Variants in C1QTNF8 observed in about 807,000 individuals in gnomAD.
C1QTNF8 encodes the protein C1q and TNF related 8, also known as complement C1q tumor necrosis factor-related protein 8.
C1QTNF8 carries 27 observed loss-of-function variants against 19.2 expected under a neutral mutation model. The ratio of observed to expected loss-of-function variants is 1.41; its 90% confidence interval spans 1.04 to 1.94. The LOEUF (loss-of-function observed/expected upper bound fraction) is 1.94. C1QTNF8 is among the 30% of genes most tolerant of loss of function. The pLI is 0.00. For missense variants in C1QTNF8, 484 were observed against 374.4 expected (o/e 1.29, Z -2.42); for synonymous variants, 208 against 172.8 (o/e 1.20, Z -1.60).
rs927025704 is a variant in C1QTNF8, at chr16:1,089,328, C to G, written c.*1271G>C. ...CCACCTCTGGTTCTTCAAGCACCTG[C>G]CACACTTGACCCCAACAGGCTCCTC... On this transcript the variant is annotated 3_prime_UTR_variant, in exon 5 of 5. Coordinates refer to ENST00000328449, the MANE Select transcript of C1QTNF8 (RefSeq NM_207419.3). Among the ~76,000 whole-genome samples, 1 of 152,144 alleles carries G rather than the reference C, an allele frequency of 6.6e-6. No homozygotes were observed. Among genetic ancestry groups the G allele is most frequent in the African/African-American group, 2.4e-5 (1 of 41,446 alleles).
Position 1,088,936 on chromosome 16 carries a change from C to G in C1QTNF8, c.*1663G>C, listed in dbSNP as rs1193248779. Reference sequence around the variant, plus strand: ...GGCTTCGGGGCTGCTGTGGTCACGTCTGGGTCCTTGGCTGGGCCTGGTGAC... The same window carrying G: ...GGCTTCGGGGCTGCTGTGGTCACGTGTGGGTCCTTGGCTGGGCCTGGTGAC... On this transcript the variant is annotated 3_prime_UTR_variant, in exon 5 of 5. Coordinates refer to ENST00000328449, the MANE Select transcript of C1QTNF8 (RefSeq NM_207419.3). Among the ~76,000 whole-genome samples, 2 of 152,304 alleles carry G rather than the reference C, an allele frequency of 1.3e-5. No homozygotes were observed. Among genetic ancestry groups the G allele is most frequent in the Admixed American group, 1.3e-4 (2 of 15,304 alleles).
Position 1,093,454 on chromosome 16 carries a change from A to ACGCGCGCGCG in C1QTNF8, c.*4+42_*4+43insCGCGCGCGCG, listed in dbSNP as rs768236099. On this transcript the variant is annotated intron_variant, in intron 4 of 4. Coordinates refer to ENST00000328449, the MANE Select transcript of C1QTNF8 (RefSeq NM_207419.3). Reference sequence around the variant, plus strand: ...CACACACACACACAGACACACACACACACGCGCGCGCGCGCCCGGTGCTCA... The same window carrying ACGCGCGCGCG: ...CACACACACACACAGACACACACACACGCGCGCGCGCACGCGCGCGCGCGCCCGGTGCTCA... The ACGCGCGCGCG allele has an allele frequency of 9.1e-6, 11 of 1,208,152 alleles. No individual in the cohort carries two copies. The South Asian group carries it at 1.1e-4, about 12-fold the overall frequency. 74.8% of individuals were successfully genotyped at this position (1,208,152 alleles called of 1,614,324 possible). A position where few individuals can be genotyped will look rare whatever the true frequency, so the allele number is the denominator to read the frequency against.
chr16:1,094,626 C>T, intron 3 of C1QTNF8, 89 bp downstream of exon 3: 3 of 1,118,746 alleles, frequency 2.7e-6, no homozygotes, highest in Non-Finnish European at 3.8e-6. Context: ...CCCCTCCCGC[C>T]CCTCCTCCCA....
At chr16:1,094,457 T>C in intron 3 of C1QTNF8, 1 of 486,082 alleles carries the variant, frequency 2.1e-6, no homozygotes, top group South Asian at 3.4e-5. Flanking sequence ...GCTGCTACTT[T>C]GGGGATCTCA....
In C1QTNF8 at chr16:1,093,186, G is replaced by GCGCTCAACCAATCACAGCACACAGTCGA. The variant is rs1567392578; in HGVS notation, c.*4+310_*4+311insTCGACTGTGTGCTGTGATTGGTTGAGCG. ...CTCAATCAATCCCTGCACACAGTCG[G>GCGCTCAACCAATCACAGCACACAGTCGA]CGCTCAACCAATCACAGCACACAGT... On this transcript the variant is annotated intron_variant, in intron 4 of 4. Transcript: ENST00000328449. 8.1e-4 allele frequency among the ~76,000 whole-genome samples: 117 copies of GCGCTCAACCAATCACAGCACACAGTCGA among 145,034 alleles called. 2 individuals carry two copies. The highest frequency in any genetic ancestry group is 2.8e-3 in the African/African-American group (106 of 38,530).
At chr16:1,091,235 C>G (rs1226689580) in intron 4 of C1QTNF8, among the ~76,000 whole-genome samples, 1 of 152,152 alleles carries the variant, frequency 6.6e-6, no homozygotes, top group Non-Finnish European at 1.5e-5. Context: ...GCTGGGTGCA[C>G]CTGTGGGGGC....
rs983509615 is a variant in C1QTNF8 at position 1,089,780 on chromosome 16, G to A, written c.*819C>T. ...GGGTAGGGCTGGGGGTGTCCCGGTCGGGGTGGGAGGCCTGGGGTCTGCCAA... is the reference window on the plus strand; with the variant it reads ...GGGTAGGGCTGGGGGTGTCCCGGTCAGGGTGGGAGGCCTGGGGTCTGCCAA... On this transcript the variant is annotated 3_prime_UTR_variant, in exon 5 of 5. Coordinates refer to ENST00000328449, the MANE Select transcript of C1QTNF8 (RefSeq NM_207419.3). Among the ~76,000 whole-genome samples the A allele has an allele frequency of 2.0e-5, 3 of 152,110 alleles. No homozygotes were observed. Among genetic ancestry groups the A allele is most frequent in the Non-Finnish European group, 4.4e-5 (3 of 68,004 alleles).
In C1QTNF8 at chr16:1,093,926, A is replaced by C. The variant is rs1960628317; in HGVS notation, c.334T>G (p.Cys112Gly). Residue 112 changes from cysteine to glycine, a missense_variant, in exon 4 of 5, where the codon TGC (cysteine) becomes GGC (glycine). Coordinates refer to ENST00000328449, the MANE Select transcript of C1QTNF8 (RefSeq NM_207419.3). ...KGQVGPPGAA[C>G]RRAYAAFSVG... Reference sequence around the variant, plus strand: ...GAGAAGGCGGCGTAGGCACGTCGGCACGCGGCGCCCGGCGGCCCCACCTGC... The same window carrying C: ...GAGAAGGCGGCGTAGGCACGTCGGCCCGCGGCGCCCGGCGGCCCCACCTGC... 6.6e-7 allele frequency: 1 copy of C among 1,511,918 alleles called. No individual in the cohort carries two copies. The allele number at this position is 1,511,918 out of a possible 1,614,324, so 93.7% of individuals were successfully genotyped here. A position where few individuals can be genotyped will look rare whatever the true frequency, so the allele number is the denominator to read the frequency against.
chr16:1,093,680 C>G lies in C1QTNF8; in HGVS notation c.580G>C (p.Ala194Pro), dbSNP rs770269306. 5.0e-6 allele frequency: 8 copies of G among 1,610,680 alleles called. No individual in the cohort carries two copies. The African/African-American group carries it at 8.0e-5, about 16-fold the overall frequency. The change falls in exon 4 of 5, where the codon GCG (alanine) becomes CCG (proline). Residue 194 changes from alanine to proline, a missense_variant. By Grantham distance (27) the Ala-to-Pro change is conservative. Coordinates refer to ENST00000328449, the MANE Select transcript of C1QTNF8 (RefSeq NM_207419.3). ...LNRRPAAVLY[A>P]QPSERSVMQA... ...ATGACGCTGCGCTCGCTGGGCTGCG[C>G]GTAGAGCACGGCCGCGGGCCGCCGG...
In C1QTNF8 at chr16:1,093,537, G is replaced by A. The variant is rs1186471087; in HGVS notation, c.723C>T (p.Phe241=). ...CGGCCGGCTTGACCAGGTGGCCGCT[G>A]AAGGTGATGTAGAGGTCTCCGTGCT... ...YGEHGDLYIT[F]SGHLVKPAAE... is the part of the protein sequence containing the mutation. Residue 241 remains phenylalanine (F), a synonymous_variant, in exon 4 of 5, where the codon TTC becomes TTT. Coordinates refer to ENST00000328449, the MANE Select transcript of C1QTNF8 (RefSeq NM_207419.3). The A allele has an allele frequency of 5.1e-6, 8 of 1,565,026 alleles. No homozygotes were observed. The East Asian group carries it at 1.4e-4, about 27-fold the overall frequency.
At position 1,093,172 on chromosome 16, in the gene C1QTNF8, C is replaced by G. The variant is rs1401618931; in HGVS notation, c.*4+325G>C. On this transcript the variant is annotated intron_variant, in intron 4 of 4. Transcript: ENST00000328449. Reference sequence around the variant, plus strand: ...GCACACAGTCGGCGCTCAATCAATCCCTGCACACAGTCGGCGCTCAACCAA... The same window carrying G: ...GCACACAGTCGGCGCTCAATCAATCGCTGCACACAGTCGGCGCTCAACCAA... Among the ~76,000 whole-genome samples the G allele has an allele frequency of 2.8e-5, 4 of 142,916 alleles. 1 individual carries two copies. In the South Asian group the frequency reaches 8.9e-4, roughly 32 times the overall value. The allele number at this position is 142,916 out of a possible 152,430, so 93.8% of individuals were successfully genotyped here. A position where few individuals can be genotyped will look rare whatever the true frequency, so the allele number is the denominator to read the frequency against.
At chr16:1,095,163 C>A (rs1033773620) in intron 2 of C1QTNF8, among the ~76,000 whole-genome samples, 1 of 152,208 alleles carries the variant, frequency 6.6e-6, no homozygotes, top group African/African-American at 2.4e-5. Context: ...TCGGGGAGTC[C>A]TGGTCCCCAA....
rs973475990 is a variant in C1QTNF8, at chr16:1,088,916, C to T, written c.*1683G>A. Among the ~76,000 whole-genome samples the T allele has an allele frequency of 5.3e-5, 8 of 152,182 alleles. No homozygotes were observed. Among genetic ancestry groups the T allele is most frequent in the African/African-American group, 1.4e-4 (6 of 41,452 alleles). On this transcript the variant is annotated 3_prime_UTR_variant, in exon 5 of 5. Coordinates refer to ENST00000328449, the MANE Select transcript of C1QTNF8 (RefSeq NM_207419.3). The stretch of plus-strand genomic sequence containing the variant: ...GTCCCTCGGAATAAGCGCCTGGCTT[C>T]GGGGCTGCTGTGGTCACGTCTGGGT...
At chr16:1,090,870 G>A (rs1960530311) in intron 4 of C1QTNF8, among the ~76,000 whole-genome samples, 1 of 152,256 alleles carries the variant, frequency 6.6e-6, no homozygotes, top group African/African-American at 2.4e-5. Context: ...GCCAGTGTGT[G>A]CTGCCAGATG....
intron 2 of C1QTNF8, among the ~76,000 whole-genome samples, 200 bp downstream of exon 2, chr16:1,095,415 C>G (rs1006026877): frequency 6.6e-5 from 10 of 152,198 alleles, no homozygotes; most frequent in African/African-American, 2.4e-4. Flanking sequence ...GAGAGCCTCT[C>G]GTCCGGAGCC....
At chr16:1,090,667 G>A (rs973368168) in intron 4 of C1QTNF8, 73 bp from the exon 5 acceptor site, 8 of 152,460 alleles carry the variant, frequency 5.2e-5, no homozygotes, top group Middle Eastern at 3.4e-3. Flanking sequence ...AACGGCGGCT[G>A]TGTTGGGAGA....
At chr16:1,094,486 C>T in intron 3 of C1QTNF8, 1 of 494,854 alleles carries the variant, frequency 2.0e-6, no homozygotes, top group East Asian at 3.5e-5. Flanking sequence ...GGCCCCCTTC[C>T]CCAGGATCCT....
chr16:1,093,722 GGTAGGTCTCCTT>G lies in C1QTNF8; in HGVS notation c.526_537del (p.Lys176_Tyr179del), dbSNP rs1960619601. ...GGCCGCCGGTTCAGCATGATGTGCAGGTAGGTCTCCTTGTAGTTCCAGGTGTGCACGTTGAGG... is the reference window on the plus strand; with the variant it reads ...GGCCGCCGGTTCAGCATGATGTGCAGGTAGTTCCAGGTGTGCACGTTGAGG... On this transcript the variant is annotated inframe_deletion, in exon 4 of 5. Coordinates refer to ENST00000328449, the MANE Select transcript of C1QTNF8 (RefSeq NM_207419.3). The G allele has an allele frequency of 6.2e-7, 1 of 1,612,020 alleles. No homozygotes were observed.
At position 1,093,772 on chromosome 16, in the gene C1QTNF8, A is replaced by ACGCCGGG; in HGVS notation, c.481_487dup (p.Val163AlafsTer214). On this transcript the variant is annotated frameshift_variant, in exon 4 of 5. Coordinates refer to ENST00000328449, the MANE Select transcript of C1QTNF8 (RefSeq NM_207419.3). LOFTEE classifies it high-confidence loss of function. ...GTGCACGTTGAGGCTGAGGAAGTAGACGCCGGGCACCGTGCAGAGGAAGCG... is the reference window on the plus strand; with the variant it reads ...GTGCACGTTGAGGCTGAGGAAGTAGACGCCGGGCGCCGGGCACCGTGCAGAGGAAGCG... 6 of 1,611,994 alleles carry ACGCCGGG rather than the reference A, an allele frequency of 3.7e-6. No homozygotes were observed. Among genetic ancestry groups the ACGCCGGG allele is most frequent in the Non-Finnish European group, 5.1e-6 (6 of 1,179,642 alleles).
Sources: gnomAD v4.1 joint callset for allele counts (sites outside exome capture counted in the v4.1 genomes callset) on GRCh38, gnomAD v4.1.1 for gene constraint, MANE v1.5 for transcripts, NCBI Gene and HGNC (gene_info 2026-07-23, HGNC 2026-07-21) for gene names.